Variants in TTLL11 observed in about 807,000 individuals in gnomAD.
TTLL11 encodes the protein tubulin tyrosine ligase like 11, also known as tubulin polyglutamylase TTLL11.
A neutral mutation model predicts 51.7 loss-of-function variants in TTLL11; 42 were observed. The ratio of observed to expected loss-of-function variants is 0.81; its 90% CI spans 0.64 to 1.05. The LOEUF (loss-of-function observed/expected upper bound fraction) is 1.05. Ranked by LOEUF, TTLL11 falls within the 50% of genes least tolerant of loss-of-function variation. The pLI is 0.00. For synonymous variants in TTLL11, 381 were observed against 383.5 expected, an observed-to-expected ratio of 0.99 and a Z score of 0.08; for missense variants, 799 against 940.4, an observed-to-expected ratio of 0.85 and a Z score of 1.97.
chr9:121,890,679 T>C lies in TTLL11; in HGVS notation c.1482-19931A>G, dbSNP rs1479147544. 2.0e-5 allele frequency among the ~76,000 whole-genome samples: 3 copies of C among 152,252 alleles called. No homozygotes were observed. The highest frequency in any genetic ancestry group is 4.8e-5 in the African/African-American group (2 of 41,478). On this transcript the variant is annotated intron_variant, in intron 6 of 8. Coordinates refer to ENST00000321582, the MANE Select transcript of TTLL11 (RefSeq NM_001139442.2). This position sits in a 1 kb window ranked among gnomAD's most constrained non-coding sequence, Gnocchi z 4.3. ...CTCATCCTCCACCTCCCATCAATAA[T>C]GGCAGTTCACAAAGGCAGGTATTGT...
chr9:121,996,188 A>G (rs1166889063), intron 3 of TTLL11, among the ~76,000 whole-genome samples: 2 of 152,132 alleles, frequency 1.3e-5, no homozygotes, highest in Non-Finnish European at 2.9e-5. Context: ...GCACCCTGGC[A>G]GTCTCACTTC....
intron 6 of TTLL11, among the ~76,000 whole-genome samples, chr9:121,921,764 T>C (rs955069268): frequency 5.9e-5 from 9 of 152,166 alleles, no homozygotes; most frequent in South Asian, 4.2e-4. Flanking sequence ...AAGCAGATGG[T>C]GGAGAAGGGT....
At chr9:121,916,593 A>G (rs1327094253) in intron 6 of TTLL11, among the ~76,000 whole-genome samples, 1 of 152,334 alleles carries the variant, frequency 6.6e-6, no homozygotes, top group Admixed American at 6.5e-5. Flanking sequence ...AAAAGGAAAA[A>G]TTCATTTTGA....
At chr9:122,046,851 T>C (rs549696134) in intron 1 of TTLL11, among the ~76,000 whole-genome samples, 1 of 152,264 alleles carries the variant, frequency 6.6e-6, no homozygotes, top group South Asian at 2.1e-4. Context: ...AAGGGCTTAG[T>C]ACATGCCACA....
At chr9:122,076,892 A>C (rs187204885) in intron 1 of TTLL11, among the ~76,000 whole-genome samples, 3 of 152,338 alleles carry the variant, frequency 2.0e-5, no homozygotes, top group African/African-American at 7.2e-5. Flanking sequence ...TCTTACTGAC[A>C]GCGAAGACAT....
intron 1 of TTLL11, among the ~76,000 whole-genome samples, chr9:122,092,230 G>A (rs1390597272): frequency 6.6e-6 from 1 of 152,194 alleles, no homozygotes; most frequent in Non-Finnish European, 1.5e-5. Context: ...AAGTAGCAAA[G>A]TGTAGTGAGA....
intron 6 of TTLL11, among the ~76,000 whole-genome samples, chr9:121,877,595 C>T (rs1474161382): frequency 6.6e-6 from 1 of 152,204 alleles, no homozygotes; most frequent in African/African-American, 2.4e-5. Context: ...CTGGCTTGAT[C>T]ACTTTCCTCT....
intron 6 of TTLL11, among the ~76,000 whole-genome samples, chr9:121,891,165 C>T (rs1588099714): frequency 6.6e-6 from 1 of 152,208 alleles, no homozygotes; most frequent in African/African-American, 2.4e-5. Context: ...AAACTGCCAG[C>T]TCCACCAGGG....
At chr9:122,088,903 G>A (rs984923317) in intron 1 of TTLL11, among the ~76,000 whole-genome samples, 2 of 151,732 alleles carry the variant, frequency 1.3e-5, no homozygotes, top group African/African-American at 4.8e-5. Flanking sequence ...CTACTCAGGA[G>A]GCTGAGGCAG....
In TTLL11 at chr9:121,974,981, T is replaced by G; in HGVS notation, c.1270-2A>C. The G allele has an allele frequency of 6.5e-7, 1 of 1,535,172 alleles. No homozygotes were observed. The highest frequency in any genetic ancestry group is 8.8e-7 in the Non-Finnish European group (1 of 1,141,968). ...TAGAAGAATGTCAAAGCCTAAAATC[T>G]GGGCAGGATAAACACAATTCAGAAT... On this transcript the variant is annotated splice_acceptor_variant, in intron 4 of 8. Coordinates refer to ENST00000321582, the MANE Select transcript of TTLL11 (RefSeq NM_001139442.2). LOFTEE classifies it high-confidence loss of function.
intron 7 of TTLL11, among the ~76,000 whole-genome samples, chr9:121,861,137 G>T (rs1191435632): frequency 1.3e-5 from 2 of 150,956 alleles, no homozygotes; most frequent in Non-Finnish European, 2.9e-5. Flanking sequence ...ATCCAGGCTG[G>T]AGTGCAGTAT....
intron 3 of TTLL11, among the ~76,000 whole-genome samples, chr9:122,008,859 C>T (rs1843724566): frequency 6.6e-6 from 1 of 152,128 alleles, no homozygotes; most frequent in African/African-American, 2.4e-5. Flanking sequence ...TATAGTTCAG[C>T]CTTAAGAAAG....
chr9:121,926,146 T>C (rs546559522), intron 6 of TTLL11, among the ~76,000 whole-genome samples: 1 of 152,314 alleles, frequency 6.6e-6, no homozygotes, highest in South Asian at 2.1e-4. Context: ...CACACGCTTC[T>C]GCCAGGAAGG....
chr9:121,913,954 C>T (rs1840232156), intron 6 of TTLL11, among the ~76,000 whole-genome samples: 1 of 152,150 alleles, frequency 6.6e-6, no homozygotes, highest in African/African-American at 2.4e-5. Flanking sequence ...CTGCTAGATG[C>T]CCTTTATCAC....
intron 6 of TTLL11, among the ~76,000 whole-genome samples, chr9:121,945,495 C>G (rs752033537): frequency 9.9e-5 from 15 of 152,218 alleles, no homozygotes; most frequent in Admixed American, 2.0e-4. Context: ...GAGCATGCCT[C>G]TGCCATTCCT....
At position 121,899,365 on chromosome 9, in the gene TTLL11, G is replaced by GTGTATATATATACA. The variant is rs1226221957; in HGVS notation, c.1482-28618_1482-28617insTGTATATATATACA. ...TCTGTGTGTGTGTGTATGTGTGTGT[G>GTGTATATATATACA]TATATATATATACATATATATATAT... On this transcript the variant is annotated intron_variant, in intron 6 of 8. Transcript: ENST00000321582. Among the ~76,000 whole-genome samples the GTGTATATATATACA allele has an allele frequency of 2.9e-3, 331 of 113,104 alleles. 1 individual carries two copies. The highest frequency in any genetic ancestry group is 0.011 in the Admixed American group (109 of 9,670). 74.2% of individuals were successfully genotyped at this position (113,104 alleles called of 152,430 possible).
intron 6 of TTLL11, among the ~76,000 whole-genome samples, chr9:121,874,264 C>A (rs1177316688): frequency 2.6e-5 from 4 of 152,198 alleles, no homozygotes; most frequent in African/African-American, 9.7e-5. Context: ...CTCCCAATAT[C>A]TTGGGATTAT....
In TTLL11 at chr9:121,851,481, A is replaced by C. The variant is rs541727037; in HGVS notation, c.1840+8856T>G. Among the ~76,000 whole-genome samples, 21 of 152,368 alleles carry C rather than the reference A, an allele frequency of 1.4e-4. No homozygotes were observed. In the South Asian group the frequency reaches 4.1e-3, roughly 30 times the overall value. Reference sequence around the variant, plus strand: ...TTTTCTGTAACTATATGTTCTAAAAATATTAAGCCTATTAATTTTTTAAAA... The same window carrying C: ...TTTTCTGTAACTATATGTTCTAAAACTATTAAGCCTATTAATTTTTTAAAA... On this transcript the variant is annotated intron_variant, in intron 8 of 8. Transcript: ENST00000321582.
chr9:121,953,373 G>A (rs1841906995), intron 6 of TTLL11, among the ~76,000 whole-genome samples: 2 of 152,070 alleles, frequency 1.3e-5, no homozygotes, highest in African/African-American at 2.4e-5. Flanking sequence ...TGGCTCACGT[G>A]TGTAATCCCA....
Sources: gnomAD v4.1 joint callset for allele counts (sites outside exome capture counted in the v4.1 genomes callset) on GRCh38, gnomAD v4.1.1 for gene constraint, Gnocchi (gnomAD v3.1) non-coding constraint, MANE v1.5 for transcripts, NCBI Gene and HGNC (gene_info 2026-07-23, HGNC 2026-07-21) for gene names.